ZNF547: variants seen among roughly 807,000 people sequenced by gnomAD.
ZNF547 encodes zinc finger protein 547.
Under a neutral mutation model 7.7 loss-of-function variants are expected in ZNF547, and 4 were observed. The ratio of observed to expected loss-of-function variants is 0.52; its 90% CI spans 0.26 to 1.20. ZNF547 has a LOEUF of 1.20. Among genes scored for constraint, ZNF547 ranks in the 50% most tolerant of loss-of-function variants. ZNF547 has a pLI of 0.14. For synonymous variants in ZNF547, 166 were observed against 166.2 expected (o/e 1.00, Z 0.01); for missense variants, 449 against 485.8 (o/e 0.92, Z 0.71).
At chr19:57,365,025 G>A in intron 1 of ZNF547, 1 of 1,612,306 alleles carries the variant, frequency 6.2e-7, no homozygotes, top group African/African-American at 1.3e-5. Context: ...TGAAAACTGT[G>A]GACAAGTTCA....
chr19:57,378,505 A>G lies in ZNF547; in HGVS notation c.*320A>G. 2.0e-6 allele frequency: 1 copy of G among 490,814 alleles called. No individual in the cohort carries two copies. Among genetic ancestry groups the G allele is most frequent in the African/African-American group, 1.9e-5 (1 of 51,608 alleles). The allele number at this position is 490,814 out of a possible 1,614,324, so 30.4% of individuals were successfully genotyped here. A position where few individuals can be genotyped will look rare whatever the true frequency, so the allele number is the denominator to read the frequency against. On this transcript the variant is annotated 3_prime_UTR_variant, in exon 4 of 4. Transcript: ENST00000282282. The stretch of plus-strand genomic sequence containing the variant: ...ACTTATTGGGCTTCAGAATATCCAC[A>G]CTAGTGAAAGTCTTCTGAGTACAGC...
chr19:57,367,366 C>T (rs1400323072), intron 1 of ZNF547, among the ~76,000 whole-genome samples: 2 of 148,896 alleles, frequency 1.3e-5, no homozygotes, highest in African/African-American at 5.0e-5. Flanking sequence ...GTCTTATATC[C>T]TTGTGTAAAA....
At chr19:57,369,848 A>ACC (rs2088492890) in intron 2 of ZNF547, among the ~76,000 whole-genome samples, 1 of 143,902 alleles carries the variant, frequency 6.9e-6, no homozygotes, top group Admixed American at 7.1e-5. Context: ...ACAAAGAACT[A>ACC]CCTGAGACTG....
chr19:57,377,616 T>G lies in ZNF547; in HGVS notation c.640T>G (p.Cys214Gly). The G allele has an allele frequency of 6.2e-7, 1 of 1,614,034 alleles. No individual in the cohort carries two copies. Among genetic ancestry groups the G allele is most frequent in the East Asian group, 2.2e-5 (1 of 44,862 alleles). Residue 214 changes from cysteine (C) to glycine (G), a missense_variant, in exon 4 of 4, where the codon TGC becomes GGC. By Grantham distance (159) the Cys-to-Gly change is radical (BLOSUM62 -3). Coordinates refer to ENST00000282282, the MANE Select transcript of ZNF547 (RefSeq NM_173631.4). ...TCACACTGGAGAAAGGCCTTATGAGTGCAATGAATGTGGGAAAGCCTTTCT... is the reference window on the plus strand; with the variant it reads ...TCACACTGGAGAAAGGCCTTATGAGGGCAATGAATGTGGGAAAGCCTTTCT... ...RTHTGERPYE[C>G]NECGKAFLCK...
At chr19:57,374,241 G>A (rs1454452637) in intron 3 of ZNF547, among the ~76,000 whole-genome samples, 1 of 152,258 alleles carries the variant, frequency 6.6e-6, no homozygotes, top group Non-Finnish European at 1.5e-5. Context: ...AGCAATGGCT[G>A]GAGCTGTACC....
At chr19:57,366,610 C>T (rs1224893481) in intron 1 of ZNF547, among the ~76,000 whole-genome samples, 1 of 135,798 alleles carries the variant, frequency 7.4e-6, no homozygotes, top group Non-Finnish European at 1.5e-5. Flanking sequence ...AGTGCAGTGG[C>T]GCTTGGCTCA....
Position 57,378,924 on chromosome 19 carries a change from T to G in ZNF547, c.*739T>G, listed in dbSNP as rs78331547. On this transcript the variant is annotated 3_prime_UTR_variant, in exon 4 of 4. Coordinates refer to ENST00000282282, the MANE Select transcript of ZNF547 (RefSeq NM_173631.4). Reference sequence around the variant, plus strand: ...TGACTCTGACTATTCTTGGTACTTCTCAGAAGAAGAATCTTAGAGTGTTTT... The same window carrying G: ...TGACTCTGACTATTCTTGGTACTTCGCAGAAGAAGAATCTTAGAGTGTTTT... 3.5e-3 allele frequency: 672 copies of G among 193,470 alleles called. 14 individuals are homozygous for G. The East Asian group carries it at 0.044, about 13-fold the overall frequency. 12.0% of individuals were successfully genotyped at this position (193,470 alleles called of 1,614,324 possible).
At position 57,377,382 on chromosome 19, in the gene ZNF547, G is replaced by C; in HGVS notation, c.406G>C (p.Gly136Arg). Residue 136 changes from glycine to arginine, a missense_variant, in exon 4 of 4, where the codon GGG becomes CGG. By Grantham distance (125) the Gly-to-Arg change is moderately radical. Transcript: ENST00000282282. ...GCAGATTAGAGAGAAACTTTCTAGAGGGGATGGAGGAAGACCGACATTTGT... is the reference window on the plus strand; with the variant it reads ...GCAGATTAGAGAGAAACTTTCTAGACGGGATGGAGGAAGACCGACATTTGT... The part of the protein sequence containing the change: ...KEQIREKLSR[G>R]DGGRPTFVKN... The C allele has an allele frequency of 6.2e-7, 1 of 1,614,236 alleles. No homozygotes were observed. Among genetic ancestry groups the C allele is most frequent in the Non-Finnish European group, 8.5e-7 (1 of 1,180,054 alleles).
intron 2 of ZNF547, chr19:57,371,104 G>A (rs569859704): frequency 1.6e-3 from 236 of 152,218 alleles, no homozygotes; most frequent in Non-Finnish European, 2.4e-3. Context: ...GGCATGTGCC[G>A]CCATGCCCAC....
chr19:57,372,543 C>T (rs2088512953), intron 3 of ZNF547, among the ~76,000 whole-genome samples: 1 of 152,128 alleles, frequency 6.6e-6, no homozygotes, highest in South Asian at 2.1e-4. Flanking sequence ...GATCCTGGTT[C>T]CTGGGAGTTG....
At chr19:57,367,312 T>G (rs892821404) in intron 1 of ZNF547, among the ~76,000 whole-genome samples, 9 of 152,294 alleles carry the variant, frequency 5.9e-5, no homozygotes, top group Non-Finnish European at 7.3e-5. Context: ...TTGAACAATT[T>G]TGTTCCATTC....
chr19:57,371,876 T>A lies in ZNF547; in HGVS notation c.119T>A (p.Met40Lys), dbSNP rs1307161758. The change falls in exon 3 of 4, where the codon ATG (methionine) becomes AAG (lysine). Residue 40 changes from methionine to lysine, a missense_variant. Coordinates refer to ENST00000282282, the MANE Select transcript of ZNF547 (RefSeq NM_173631.4). ...EAQRLLYRDV[M>K]LENLALLSSL... The stretch of plus-strand genomic sequence containing the variant: ...CAGAGATTGCTGTACCGTGATGTGA[T>A]GCTGGAGAATTTGGCCCTTTTGTCC... The A allele has an allele frequency of 1.2e-5, 19 of 1,612,674 alleles. No homozygotes were observed. Among genetic ancestry groups the A allele is most frequent in the Non-Finnish European group, 1.4e-5 (17 of 1,179,258 alleles).
intron 1 of ZNF547, among the ~76,000 whole-genome samples, chr19:57,366,327 TCTC>T (rs1239362089): frequency 4.0e-5 from 6 of 151,694 alleles, no homozygotes; most frequent in African/African-American, 1.5e-4. Context: ...TTCAAGCAGT[TCTC>T]CTTCCGCCTC....
rs1428420831 is a variant in ZNF547, at chr19:57,378,074, C to T, written c.1098C>T (p.His366=). ...ECGKAFLTKS[H]LICHQTVHTA... ...GGAAGGCCTTCCTTACAAAGTCCCA[C>T]CTCATTTGTCATCAGACAGTTCACA... is the stretch of plus-strand genomic sequence containing the variant. The change falls in exon 4 of 4, where the codon CAC becomes CAT. Residue 366 remains histidine, a synonymous_variant. Transcript: ENST00000282282. The T allele has an allele frequency of 6.2e-7, 1 of 1,613,996 alleles. No homozygotes were observed.
intron 1 of ZNF547, chr19:57,368,276 G>T: frequency 4.9e-6 from 2 of 412,028 alleles, no homozygotes; most frequent in South Asian, 5.5e-5. Flanking sequence ...GATGAGCAAC[G>T]AGTGTTTGAC....
rs61547238 is a variant in ZNF547 at position 57,369,899 on chromosome 19, C to CTTT, written c.24+1342_24+1344dup. Among the ~76,000 whole-genome samples, 10 of 51,676 alleles carry CTTT rather than the reference C, an allele frequency of 1.9e-4. 2 individuals carry two copies. Among genetic ancestry groups the CTTT allele is most frequent in the East Asian group, 1.4e-3 (2 of 1,458 alleles). 33.9% of individuals were successfully genotyped at this position (51,676 alleles called of 152,430 possible). On this transcript the variant is annotated intron_variant, in intron 2 of 3. Coordinates refer to ENST00000282282, the MANE Select transcript of ZNF547 (RefSeq NM_173631.4). The stretch of plus-strand genomic sequence containing the variant: ...AAAGAAGTTTAATTGACTCACAGTT[C>CTTT]TTTTTTTTTTTTTTTTTTTTTTTTG...
intron 1 of ZNF547, among the ~76,000 whole-genome samples, chr19:57,365,692 A>G (rs2088463402): frequency 6.6e-6 from 1 of 151,644 alleles, no homozygotes; most frequent in South Asian, 2.1e-4. Context: ...TATTTTTAGT[A>G]GAGACGGAGT....
chr19:57,369,496 A>G (rs975915937), intron 2 of ZNF547, among the ~76,000 whole-genome samples: 2 of 152,178 alleles, frequency 1.3e-5, no homozygotes, highest in Non-Finnish European at 2.9e-5. Flanking sequence ...TGGCTGTCGT[A>G]TGGACCAGGA....
At chr19:57,364,440 T>TCTCGGTGGTCGCCGTA in intron 1 of ZNF547, 63 of 282,392 alleles carry the variant, frequency 2.2e-4, no homozygotes, top group Middle Eastern at 1.2e-3. Flanking sequence ...CTGGTGTAGA[T>TCTCGGTGGTCGCCGTA]TCTTCAAAAG....
Sources: gnomAD v4.1 joint callset for allele counts (sites outside exome capture counted in the v4.1 genomes callset) on GRCh38, gnomAD v4.1.1 for gene constraint, MANE v1.5 for transcripts, NCBI Gene and HGNC (gene_info 2026-07-23, HGNC 2026-07-21) for gene names.